The following TMEM214 variants were observed in gnomAD, a reference collection of about 807,000 sequenced individuals.
The protein encoded by TMEM214 is transmembrane protein 214.
In TMEM214, 71 loss-of-function variants were observed where a neutral mutation model predicts 89.8. The ratio of observed to expected loss-of-function variants is 0.79; its 90% CI spans 0.65 to 0.96. The LOEUF (loss-of-function observed/expected upper bound fraction) is 0.96. TMEM214 is among the 40% of genes least tolerant of loss of function. The probability of loss-of-function intolerance (pLI) is 0.00; values close to 1 mark genes in which losing one functional copy is unlikely to be tolerated. For synonymous variants in TMEM214, 332 were observed against 349.5 expected (o/e 0.95, Z 0.56); for missense variants, 754 against 843.4 (o/e 0.89, Z 1.31).
At chr2:27,037,782 C>T in intron 9 of TMEM214, 80 bp downstream of exon 9, 1 of 1,613,164 alleles carries the variant, frequency 6.2e-7, no homozygotes, top group Non-Finnish European at 8.5e-7. Flanking sequence ...AAGGCCTTGC[C>T]TTCACAGAGC....
At chr2:27,037,225 A>G in intron 8 of TMEM214, 47 bp downstream of exon 8, 1 of 1,401,604 alleles carries the variant, frequency 7.1e-7, no homozygotes, top group Non-Finnish European at 1.0e-6. Flanking sequence ...CCACAGCACC[A>G]GAACCACACT....
At chr2:27,036,460 A>T in intron 5 of TMEM214, 27 bp from the exon 6 acceptor site, 1 of 1,592,846 alleles carries the variant, frequency 6.3e-7, no homozygotes, top group Non-Finnish European at 8.6e-7. Flanking sequence ...TCCTATCCCA[A>T]TCTGCCTTCC....
At position 27,040,931 on chromosome 2, in the gene TMEM214, C is replaced by T. The variant is rs961824931; in HGVS notation, c.*94C>T. 4.0e-5 allele frequency: 61 copies of T among 1,514,600 alleles called. No individual in the cohort carries two copies. The highest frequency in any genetic ancestry group is 5.1e-5 in the Non-Finnish European group (57 of 1,115,398). 93.8% of individuals were successfully genotyped at this position (1,514,600 alleles called of 1,614,324 possible). A position where few individuals can be genotyped will look rare whatever the true frequency, so the allele number is the denominator to read the frequency against. On this transcript the variant is annotated 3_prime_UTR_variant, in exon 17 of 17. Transcript: ENST00000238788. ...CAGTTCTTCATGGGAGTCTTTTTAACTTGGTGCCTGAGTTCTCTCCTAGGC... is the reference window on the plus strand; with the variant it reads ...CAGTTCTTCATGGGAGTCTTTTTAATTTGGTGCCTGAGTTCTCTCCTAGGC...
intron 1 of TMEM214, 143 bp from the exon 2 acceptor site, chr2:27,033,924 T>G (rs1257291705): frequency 4.6e-6 from 4 of 870,688 alleles, no homozygotes. Context: ...CCCTGCTCCT[T>G]AAGCAGTCCA....
At chr2:27,034,883 CCT>C (rs1334826399) in intron 2 of TMEM214, among the ~76,000 whole-genome samples, 1 of 152,168 alleles carries the variant, frequency 6.6e-6, no homozygotes, top group African/African-American at 2.4e-5. Flanking sequence ...CGCGCCTGGC[CCT>C]CTGTTTTCCT....
chr2:27,040,051 G>T lies in TMEM214; in HGVS notation c.1644G>T (p.Pro548=), dbSNP rs113080957. 10 of 1,606,542 alleles carry T rather than the reference G, an allele frequency of 6.2e-6. No individual in the cohort carries two copies. Among genetic ancestry groups the T allele is most frequent in the African/African-American group, 4.0e-5 (3 of 74,922 alleles). Residue 548 remains proline (P), a synonymous_variant, in exon 15 of 17, where the codon CCG becomes CCT. Transcript: ENST00000238788. Reference sequence around the variant, plus strand: ...ACAGCTGGCTGGGGGAGACACTGCCGCTCTGGGGCTCCCACCTGCTCACCG... The same window carrying T: ...ACAGCTGGCTGGGGGAGACACTGCCTCTCTGGGGCTCCCACCTGCTCACCG... ...QGYSWLGETL[P]LWGSHLLTVV...
At chr2:27,035,821 AAAT>A (rs2148241716) in intron 4 of TMEM214, 93 bp downstream of exon 4, 1 of 1,597,370 alleles carries the variant, frequency 6.3e-7, no homozygotes, top group South Asian at 1.1e-5. Flanking sequence ...TCCAGCAGAG[AAAT>A]GTGCTAACCT....
chr2:27,040,880 C>T lies in TMEM214; in HGVS notation c.*43C>T, dbSNP rs532496597. On this transcript the variant is annotated 3_prime_UTR_variant, in exon 17 of 17. Transcript: ENST00000238788. ...ACTGATTTCTGCATGGGTAGACCATCCAAGACTGCAGCGGGTAGAAGGTGG... is the reference window on the plus strand; with the variant it reads ...ACTGATTTCTGCATGGGTAGACCATTCAAGACTGCAGCGGGTAGAAGGTGG... 6.3e-6 allele frequency: 10 copies of T among 1,597,448 alleles called. No homozygotes were observed. The Middle Eastern group carries it at 1.0e-3, about 159-fold the overall frequency.
rs903134605 is a variant in TMEM214, at chr2:27,038,611, C to G, written c.1293+79C>G. The G allele has an allele frequency of 2.1e-5, 33 of 1,606,396 alleles. No individual in the cohort carries two copies. The African/African-American group carries it at 4.0e-4, about 20-fold the overall frequency. ...GAGTGGGGGCTCCTCAGCCACTGTC[C>G]CTTCCCTGAGAAGGGACCCTGTTGG... is the stretch of plus-strand genomic sequence containing the variant. On this transcript the variant is annotated intron_variant, in intron 11 of 16. Transcript: ENST00000238788. This position sits in a 1 kb window ranked among gnomAD's most constrained non-coding sequence, Gnocchi z 4.4.
Position 27,041,049 on chromosome 2 carries a change from A to G in TMEM214, c.*212A>G, listed in dbSNP as rs981444655. The G allele has an allele frequency of 1.7e-6, 1 of 589,944 alleles. No individual in the cohort carries two copies. The highest frequency in any genetic ancestry group is 2.9e-6 in the Non-Finnish European group (1 of 339,426). The allele number at this position is 589,944 out of a possible 1,614,324, so 36.5% of individuals were successfully genotyped here. A position where few individuals can be genotyped will look rare whatever the true frequency, so the allele number is the denominator to read the frequency against. On this transcript the variant is annotated 3_prime_UTR_variant, in exon 17 of 17. Coordinates refer to ENST00000238788, the MANE Select transcript of TMEM214 (RefSeq NM_017727.5). ...CCTCCTACCCACAATTCCACTGAAC[A>G]CTTTTCTGGCCCTACTGCACATGGC...
chr2:27,035,097 C>T lies in TMEM214; in HGVS notation c.352-38C>T, dbSNP rs1313543285. On this transcript the variant is annotated intron_variant, in intron 2 of 16. Coordinates refer to ENST00000238788, the MANE Select transcript of TMEM214 (RefSeq NM_017727.5). ...CATTTCTTTACTCCCTCACTCACAACTCGCCATGGTGGGGGGTTGGGGGAT... is the reference window on the plus strand; with the variant it reads ...CATTTCTTTACTCCCTCACTCACAATTCGCCATGGTGGGGGGTTGGGGGAT... 1.9e-6 allele frequency: 3 copies of T among 1,610,644 alleles called. No individual in the cohort carries two copies. The South Asian group carries it at 3.3e-5, about 18-fold the overall frequency.
At position 27,037,680 on chromosome 2, in the gene TMEM214, G is replaced by A; in HGVS notation, c.1130G>A (p.Cys377Tyr). The change falls in exon 9 of 17, where the codon TGT becomes TAT. Residue 377 changes from cysteine (C) to tyrosine (Y), a missense_variant. By Grantham distance (194) the Cys-to-Tyr change is radical (BLOSUM62 -2). Coordinates refer to ENST00000238788, the MANE Select transcript of TMEM214 (RefSeq NM_017727.5). ...TTCCTGTCCAGAGCCACCCCTAGCT[G>A]TCCCCCTGAGATGAAGAAAGAGGTG... ...PSFLSRATPS[C>Y]PPEMKKELLS... is the part of the protein sequence containing the mutation. 1 of 1,614,064 alleles carries A rather than the reference G, an allele frequency of 6.2e-7. No individual in the cohort carries two copies. Among genetic ancestry groups the A allele is most frequent in the Non-Finnish European group, 8.5e-7 (1 of 1,180,002 alleles).
chr2:27,039,483 C>T, intron 13 of TMEM214: 1 of 596,388 alleles, frequency 1.7e-6, no homozygotes, highest in Non-Finnish European at 3.0e-6. Flanking sequence ...AGTAGAAGGG[C>T]AGACCCTCAA....
intron 2 of TMEM214, chr2:27,034,522 G>A (rs902965716): frequency 2.1e-6 from 1 of 487,350 alleles, no homozygotes; most frequent in African/African-American, 1.9e-5. Context: ...CACCAGGGAG[G>A]AGATGGAGAA....
In TMEM214 at chr2:27,038,668, A is replaced by T. The variant is rs762912601; in HGVS notation, c.1294-34A>T. ...AAATGAAGCAGGATGGAAGCTCTGG[A>T]TTCCCTCACAGGCCAGACCTTTCTT... is the stretch of plus-strand genomic sequence containing the variant. On this transcript the variant is annotated intron_variant, in intron 11 of 16. Transcript: ENST00000238788. The surrounding 1 kb of genome is among the most constrained non-coding windows in gnomAD (Gnocchi z 4.4). The T allele has an allele frequency of 1.4e-5, 22 of 1,606,960 alleles. No individual in the cohort carries two copies. Among genetic ancestry groups the T allele is most frequent in the East Asian group, 6.7e-5 (3 of 44,828 alleles).
intron 8 of TMEM214, 116 bp from the exon 9 acceptor site, chr2:27,037,445 A>G: frequency 1.5e-5 from 19 of 1,291,626 alleles, no homozygotes; most frequent in Non-Finnish European, 2.1e-5. Context: ...GAGCCATTGC[A>G]AGGTCCTCAG....
In TMEM214 at chr2:27,038,029, T is replaced by C; in HGVS notation, c.1153-117T>C. 1 of 1,607,388 alleles carries C rather than the reference T, an allele frequency of 6.2e-7. No homozygotes were observed. The highest frequency in any genetic ancestry group is 8.5e-7 in the Non-Finnish European group (1 of 1,177,590). On this transcript the variant is annotated intron_variant, in intron 9 of 16. Transcript: ENST00000238788. The surrounding 1 kb of genome is among the most constrained non-coding windows in gnomAD (Gnocchi z 4.4). ...GTCTTGACACTGTTTCTCCACCCCT[T>C]AGGGTGGATGTGCGGCCTGGATGGC...
At chr2:27,035,396 C>T (rs1572786646) in intron 3 of TMEM214, 111 bp downstream of exon 3, 1 of 1,476,610 alleles carries the variant, frequency 6.8e-7, no homozygotes, top group East Asian at 2.3e-5. Flanking sequence ...GTGATTTGGG[C>T]TGGTCTCAAA....
rs758264396 is a variant in TMEM214 at position 27,034,149 on chromosome 2, C to G, written c.234C>G (p.Pro78=). The change falls in exon 2 of 17, where the codon CCC becomes CCG. Residue 78 remains proline (P), a synonymous_variant. Coordinates refer to ENST00000238788, the MANE Select transcript of TMEM214 (RefSeq NM_017727.5). ...MKRQNKEQVP[P]PAVEPKKPGN... ...GGCAGAATAAGGAGCAGGTCCCACC[C>G]CCTGCTGTGGAACCTAAGAAACCAG... is the stretch of plus-strand genomic sequence containing the variant. 2 of 1,614,126 alleles carry G rather than the reference C, an allele frequency of 1.2e-6. No homozygotes were observed. The highest frequency in any genetic ancestry group is 1.7e-6 in the Non-Finnish European group (2 of 1,180,002).
Sources: gnomAD v4.1 joint callset for allele counts (sites outside exome capture counted in the v4.1 genomes callset) on GRCh38, gnomAD v4.1.1 for gene constraint, Gnocchi (gnomAD v3.1) non-coding constraint, MANE v1.5 for transcripts, NCBI Gene and HGNC (gene_info 2026-07-23, HGNC 2026-07-21) for gene names.